Variants in CCDC13 observed in about 807,000 individuals in gnomAD.
The protein encoded by CCDC13 is coiled-coil domain containing 13.
Under a neutral mutation model 87.3 loss-of-function variants are expected in CCDC13, and 70 were observed. The observed-to-expected ratio is 0.80, with a 90% CI of 0.66 to 0.98. The LOEUF (loss-of-function observed/expected upper bound fraction) is 0.98. Among genes scored for constraint, CCDC13 ranks in the 50% least tolerant of loss-of-function variants. The pLI, the probability that CCDC13 is intolerant of heterozygous loss-of-function variation, is 0.00. For synonymous variants in CCDC13, 317 were observed against 360.3 expected, an observed-to-expected ratio of 0.88 and a Z score of 1.36; for missense variants, 842 against 892.0, an observed-to-expected ratio of 0.94 and a Z score of 0.71.
chr3:42,725,533 C>CAAAAAAAAAAAAAA (rs56224625), intron 13 of CCDC13, among the ~76,000 whole-genome samples: 14 of 91,476 alleles, frequency 1.5e-4, no homozygotes, highest in South Asian at 1.4e-3. Context: ...GACCCTGTCT[C>CAAAAAAAAAAAAAA]AAAAAAAAAA....
chr3:42,754,832 A>AC (rs1204921923), intron 3 of CCDC13, among the ~76,000 whole-genome samples: 6 of 151,400 alleles, frequency 4.0e-5, no homozygotes, highest in Non-Finnish European at 5.9e-5. Context: ...TCCTCTGGGT[A>AC]TTTTTTTTTC....
intron 8 of CCDC13, among the ~76,000 whole-genome samples, chr3:42,740,065 C>G (rs1486462212): frequency 6.6e-6 from 1 of 152,162 alleles, no homozygotes; most frequent in East Asian, 1.9e-4. Context: ...TAACCTCAGC[C>G]TGAGACACAG....
rs1313497978 is a variant in CCDC13, at chr3:42,753,548, A to T, written c.371-831T>A. Reference sequence around the variant, plus strand: ...TCAAGTAGGGAAGACAGATAATTTAAAACATCAAAGAAATAAATATGTATT... The same window carrying T: ...TCAAGTAGGGAAGACAGATAATTTATAACATCAAAGAAATAAATATGTATT... On this transcript the variant is annotated intron_variant, in intron 3 of 15. Transcript: ENST00000310232. 2.0e-5 allele frequency among the ~76,000 whole-genome samples: 3 copies of T among 152,362 alleles called. No individual in the cohort carries two copies. The East Asian group carries it at 5.8e-4, about 29-fold the overall frequency.
At chr3:42,733,108 C>G in intron 11 of CCDC13, 138 bp from the exon 12 acceptor site, 1 of 695,818 alleles carries the variant, frequency 1.4e-6, no homozygotes, top group Non-Finnish European at 2.4e-6. Flanking sequence ...ATTTGCTGCC[C>G]TTCTTTCCAG....
chr3:42,731,398 G>C (rs868612700), intron 12 of CCDC13, among the ~76,000 whole-genome samples: 1 of 151,646 alleles, frequency 6.6e-6, no homozygotes, highest in Non-Finnish European at 1.5e-5. Context: ...ACATTGAGAG[G>C]GGTGGTTTAG....
At chr3:42,741,503 G>A (rs1699216027) in intron 8 of CCDC13, among the ~76,000 whole-genome samples, 3 of 152,242 alleles carry the variant, frequency 2.0e-5, no homozygotes, top group Non-Finnish European at 2.9e-5. Context: ...TTGTGAGGCC[G>A]AGGCAGGTGG....
intron 3 of CCDC13, among the ~76,000 whole-genome samples, chr3:42,754,295 A>G (rs1377548148): frequency 6.6e-6 from 1 of 152,058 alleles, no homozygotes; most frequent in Non-Finnish European, 1.5e-5. Context: ...TGCCCTTGGA[A>G]TCTCATGTCT....
intron 7 of CCDC13, among the ~76,000 whole-genome samples, chr3:42,743,537 C>T (rs887057339): frequency 1.4e-5 from 2 of 138,958 alleles, no homozygotes; most frequent in Non-Finnish European, 3.0e-5. Flanking sequence ...CCCAGCTCAG[C>T]CTCCTAAGCA....
downstream of CCDC13, chr3:42,705,082 G>C (rs1010240939): frequency 2.0e-5 from 3 of 151,366 alleles, no homozygotes; most frequent in Non-Finnish European, 4.4e-5. Context: ...CCTGTGTATT[G>C]TGTGTGCACA....
intron 8 of CCDC13, 148 bp from the exon 9 acceptor site, chr3:42,739,958 C>G: frequency 2.8e-6 from 2 of 716,006 alleles, no homozygotes; most frequent in Non-Finnish European, 4.6e-6. Flanking sequence ...GAGCCAGGGC[C>G]CTGACTCCCA....
intron 13 of CCDC13, among the ~76,000 whole-genome samples, chr3:42,726,593 T>C (rs534512954): frequency 6.6e-6 from 1 of 152,094 alleles, no homozygotes; most frequent in African/African-American, 2.4e-5. Flanking sequence ...TGGGAATATA[T>C]AAAGTCCTTG....
intron 1 of CCDC13, among the ~76,000 whole-genome samples, chr3:42,766,957 A>T (rs1451254959): frequency 1.3e-5 from 2 of 152,230 alleles, no homozygotes. Context: ...CACCATACTT[A>T]GCAGTGAGAA....
chr3:42,743,646 TATATAA>T (rs936483240), intron 7 of CCDC13, among the ~76,000 whole-genome samples: 3 of 144,116 alleles, frequency 2.1e-5, no homozygotes, highest in African/African-American at 5.3e-5. Context: ...CACACATAAA[TATATAA>T]ATATAAATAT....
At chr3:42,716,445 G>A (rs1483858205) in intron 13 of CCDC13, among the ~76,000 whole-genome samples, 3 of 152,124 alleles carry the variant, frequency 2.0e-5, no homozygotes, top group South Asian at 2.1e-4. Flanking sequence ...ACAAATAGTG[G>A]CTTGAAACAA....
rs755623940 is a variant in CCDC13 at position 42,733,550 on chromosome 3, A to T, written c.1431T>A (p.Tyr477Ter). 6.2e-7 allele frequency: 1 copy of T among 1,614,076 alleles called. No homozygotes were observed. Among genetic ancestry groups the T allele is most frequent in the African/African-American group, 1.3e-5 (1 of 75,032 alleles). ...GSSGREVSPA[Y>*]TQFLEDPGLT... ...GGCCTGGGTCCTCCAGGAACTGGGT[A>T]TAGGCAGGGCTGACCTCGCGGCCAC... is the stretch of plus-strand genomic sequence containing the variant. Residue 477 changes from tyrosine (Y) to a stop codon, truncating the protein, a stop_gained, in exon 11 of 16, where the codon TAT (tyrosine) becomes TAA (stop). Transcript: ENST00000310232. LOFTEE classifies it high-confidence loss of function.
At chr3:42,765,045 C>G (rs1282891311) in intron 1 of CCDC13, among the ~76,000 whole-genome samples, 1 of 152,168 alleles carries the variant, frequency 6.6e-6, no homozygotes, top group Non-Finnish European at 1.5e-5. Flanking sequence ...TTTCTACTCC[C>G]AATTTGCACT....
intron 1 of CCDC13, among the ~76,000 whole-genome samples, chr3:42,762,962 A>G (rs1042861425): frequency 1.3e-5 from 2 of 152,218 alleles, no homozygotes; most frequent in African/African-American, 4.8e-5. Context: ...TAAAAAAAGA[A>G]AAACTTTAAA....
At chr3:42,766,299 G>T (rs1699931045) in intron 1 of CCDC13, among the ~76,000 whole-genome samples, 1 of 152,068 alleles carries the variant, frequency 6.6e-6, no homozygotes, top group Non-Finnish European at 1.5e-5. Context: ...GCCTCAGGTA[G>T]TTGAGACCTA....
rs80206073 is a variant in CCDC13, at chr3:42,730,123, C to G, written c.1718+344G>C. 2.6e-4 allele frequency among the ~76,000 whole-genome samples: 40 copies of G among 152,294 alleles called. No individual in the cohort carries two copies. The East Asian group carries it at 3.3e-3, about 12-fold the overall frequency. Reference sequence around the variant, plus strand: ...GTTTTCTTCCCACCAAACCCTCCAGCAGCACCAAGCACAGTGCCAGGCTCA... The same window carrying G: ...GTTTTCTTCCCACCAAACCCTCCAGGAGCACCAAGCACAGTGCCAGGCTCA... On this transcript the variant is annotated intron_variant, in intron 13 of 15. Transcript: ENST00000310232.
Sources: allele counts gnomAD v4.1 joint callset (sites outside exome capture counted in the v4.1 genomes callset), GRCh38; gene constraint gnomAD v4.1.1; transcripts MANE v1.5; gene names NCBI Gene and HGNC (gene_info 2026-07-23, HGNC 2026-07-21).